SYMPK: variants seen among roughly 807,000 people sequenced by gnomAD.
SYMPK encodes symplekin scaffold protein.
A neutral mutation model predicts 136.4 loss-of-function variants in SYMPK; 49 were observed. The ratio of observed to expected loss-of-function variants is 0.36; its 90% CI spans 0.29 to 0.46. SYMPK has a LOEUF of 0.46. Ranked by LOEUF, SYMPK falls within the 20% of genes least tolerant of loss-of-function variation. The pLI is 1.00. For synonymous variants in SYMPK, 766 were observed against 713.0 expected (o/e 1.07, Z -1.19); for missense variants, 1,365 against 1,690.0 (o/e 0.81, Z 3.37).
chr19:45,834,473 AG>A (rs1040640755), intron 11 of SYMPK, among the ~76,000 whole-genome samples: 1 of 151,670 alleles, frequency 6.6e-6, no homozygotes, highest in African/African-American at 2.4e-5. Flanking sequence ...AAAAAAAAAA[AG>A]AAAAAGAAAT....
Position 45,829,049 on chromosome 19 carries a change from A to G in SYMPK, c.1906T>C (p.Ser636Pro), listed in dbSNP as rs1430468709. The G allele has an allele frequency of 1.9e-6, 3 of 1,614,146 alleles. No homozygotes were observed. Among genetic ancestry groups the G allele is most frequent in the Non-Finnish European group, 2.5e-6 (3 of 1,180,038 alleles). Residue 636 changes from serine to proline, a missense_variant, in exon 14 of 27, where the codon TCG becomes CCG. Ser to Pro is a moderately conservative substitution (Grantham distance 74). Coordinates refer to ENST00000245934, the MANE Select transcript of SYMPK (RefSeq NM_004819.3). ...TCCTCATACTTGTCCAGGGAGCCCGAGGCACCTGCGGCCAGGTAGGCGTTG... is the reference window on the plus strand; with the variant it reads ...TCCTCATACTTGTCCAGGGAGCCCGGGGCACCTGCGGCCAGGTAGGCGTTG... ...EYNAYLAAGA[S>P]GSLDKYEDCL...
Position 45,838,596 on chromosome 19 carries a change from G to A in SYMPK, c.1107C>T (p.Asp369=), listed in dbSNP as rs779431776. The A allele has an allele frequency of 1.2e-5, 19 of 1,613,816 alleles. No individual in the cohort carries two copies. The highest frequency in any genetic ancestry group is 1.2e-4 in the Admixed American group (7 of 59,996). ...KMKLEPNLGE[D]DEDKDLEPGP... is the part of the protein sequence containing the mutation. ...CTGGCTCCAAGTCTTTGTCCTCATC[G>A]TCCTCCCCCAGGTTGGGCTCTGGGA... The change falls in exon 10 of 27, where the codon GAC becomes GAT. Residue 369 remains aspartate (D), a synonymous_variant. Transcript: ENST00000245934.
chr19:45,856,581 C>T (rs1971828196), intron 1 of SYMPK, among the ~76,000 whole-genome samples: 1 of 152,140 alleles, frequency 6.6e-6, no homozygotes. Context: ...TTAGTATATA[C>T]AGTAAACATT....
chr19:45,818,768 G>C (rs1008746045), intron 22 of SYMPK: 2 of 152,400 alleles, frequency 1.3e-5, no homozygotes, highest in African/African-American at 4.8e-5. Context: ...AGGACCCAGA[G>C]GGTTGGCACA....
In SYMPK at chr19:45,823,861, G is replaced by A. The variant is rs1442802859; in HGVS notation, c.2505C>T (p.Gly835=). ...GCAGGAGCAGCTCCGGGGAGTTCAT[G>A]CCCATTCCTCGGATCTAGAGGCAGA... The part of the protein sequence containing the change: ...RVIEQPIRGM[G]MNSPELLLLV... The change falls in exon 19 of 27, where the codon GGC becomes GGT. Residue 835 remains glycine, a synonymous_variant. Transcript: ENST00000245934. 3.1e-6 allele frequency: 5 copies of A among 1,613,856 alleles called. No individual in the cohort carries two copies. Among genetic ancestry groups the A allele is most frequent in the African/African-American group, 1.3e-5 (1 of 74,924 alleles).
chr19:45,838,196 C>T (rs1481247528), intron 10 of SYMPK, among the ~76,000 whole-genome samples: 1 of 151,958 alleles, frequency 6.6e-6, no homozygotes, highest in African/African-American at 2.4e-5. Context: ...CTTTCTCCTG[C>T]TCCTGCTCTG....
chr19:45,817,112 C>T, intron 23 of SYMPK, 138 bp from the exon 24 acceptor site: 1 of 856,596 alleles, frequency 1.2e-6, no homozygotes, highest in Non-Finnish European at 1.7e-6. Context: ...ACAAGCAGCC[C>T]CGACCTCCCT....
intron 11 of SYMPK, among the ~76,000 whole-genome samples, chr19:45,831,973 C>A (rs1971188258): frequency 6.6e-6 from 1 of 152,074 alleles, no homozygotes; most frequent in South Asian, 2.1e-4. Context: ...TCCCAACTAG[C>A]TGGGACTACA....
chr19:45,855,380 T>C (rs1971799691), intron 1 of SYMPK: 1 of 152,188 alleles, frequency 6.6e-6, no homozygotes, highest in Admixed American at 6.6e-5. Context: ...TATGGAATGA[T>C]TAACGTAGCA....
intron 1 of SYMPK, chr19:45,854,879 C>CTTTTTTT (rs35065812): frequency 2.0e-3 from 312 of 155,262 alleles, no homozygotes; most frequent in Middle Eastern, 9.6e-3. Flanking sequence ...AGCAAACTTT[C>CTTTTTTT]TTTTTTTTTT....
chr19:45,852,553 G>A lies in SYMPK; in HGVS notation c.172-18C>T. 6.2e-7 allele frequency: 1 copy of A among 1,614,090 alleles called. No homozygotes were observed. Among genetic ancestry groups the A allele is most frequent in the South Asian group, 1.1e-5 (1 of 91,076 alleles). On this transcript the variant is annotated intron_variant, in intron 3 of 26. Coordinates refer to ENST00000245934, the MANE Select transcript of SYMPK (RefSeq NM_004819.3). ...TCCTGGACCTGGAAGGAGATTGGGG[G>A]TGGGGAGGAGGAATACCCATATAAA... is the stretch of plus-strand genomic sequence containing the variant.
At chr19:45,817,265 C>T (rs1055364425) in intron 23 of SYMPK, 2 of 413,908 alleles carry the variant, frequency 4.8e-6, no homozygotes. Context: ...CCTCTCATGA[C>T]ATTCTCACGG....
At chr19:45,826,799 TGGCCAG>T (rs768001170) in intron 16 of SYMPK, among the ~76,000 whole-genome samples, 86 of 152,088 alleles carry the variant, frequency 5.7e-4, no homozygotes, top group Non-Finnish European at 1.0e-3. Flanking sequence ...CACATGGCCA[TGGCCAG>T]GGCCAGGGCC....
At chr19:45,819,006 G>GA (rs998963961) in intron 22 of SYMPK, 3 of 151,862 alleles carry the variant, frequency 2.0e-5, no homozygotes, top group African/African-American at 4.9e-5. Flanking sequence ...TCTCTAAGGG[G>GA]GGGGGCGTAG....
chr19:45,833,922 T>A (rs1392171692), intron 11 of SYMPK, among the ~76,000 whole-genome samples: 2 of 151,440 alleles, frequency 1.3e-5, no homozygotes, highest in Non-Finnish European at 1.5e-5. Flanking sequence ...GAAGCCAAGG[T>A]GGGCGGATCA....
chr19:45,829,947 C>A, intron 13 of SYMPK, 107 bp downstream of exon 13: 3 of 1,333,744 alleles, frequency 2.2e-6, no homozygotes, highest in Non-Finnish European at 3.0e-6. Context: ...GAGCTGGGGT[C>A]CGCAGCCAGG....
At chr19:45,817,027 A>G (rs1418742434) in intron 23 of SYMPK, 53 bp from the exon 24 acceptor site, 1 of 1,518,036 alleles carries the variant, frequency 6.6e-7, no homozygotes, top group East Asian at 2.5e-5. Flanking sequence ...CATCCCCCCG[A>G]GCCTTGACAC....
chr19:45,853,965 C>A (rs1971755022), intron 3 of SYMPK, among the ~76,000 whole-genome samples: 1 of 152,230 alleles, frequency 6.6e-6, no homozygotes, highest in Non-Finnish European at 1.5e-5. Flanking sequence ...GCCCCGGGGT[C>A]TGCTTCTTTC....
chr19:45,831,140 CATT>C (rs1404793010), intron 12 of SYMPK: 3 of 366,332 alleles, frequency 8.2e-6, no homozygotes, highest in East Asian at 8.2e-5. Flanking sequence ...AAGATACTAT[CATT>C]ATCCTAATTT....
Sources: gnomAD v4.1 joint callset for allele counts (sites outside exome capture counted in the v4.1 genomes callset) on GRCh38, gnomAD v4.1.1 for gene constraint, MANE v1.5 for transcripts, NCBI Gene and HGNC (gene_info 2026-07-23, HGNC 2026-07-21) for gene names.